ZNF215: variants seen among roughly 807,000 people sequenced by gnomAD.
The protein encoded by ZNF215 is BWSCR2-associated zinc finger protein 2.
ZNF215 carries 24 observed loss-of-function variants against 27.2 expected under a neutral mutation model. The ratio of observed to expected loss-of-function variants is 0.88; its 90% CI spans 0.64 to 1.24. ZNF215 has a LOEUF of 1.24. Among genes scored for constraint, ZNF215 ranks in the 50% most tolerant of loss-of-function variants. The pLI is 0.00. For synonymous variants in ZNF215, 210 were observed against 204.0 expected (o/e 1.03, Z -0.25); for missense variants, 675 against 605.7 (o/e 1.11, Z -1.20).
chr11:6,974,206 G>T (rs1048907089), intron 5 of ZNF215, among the ~76,000 whole-genome samples: 4 of 152,110 alleles, frequency 2.6e-5, no homozygotes, highest in African/African-American at 9.7e-5. Flanking sequence ...GATGGTTGTA[G>T]ATGTGTGGTA....
rs1311873251 is a variant in ZNF215 at position 6,939,597 on chromosome 11, CT to C, written c.401-1971del. Among the ~76,000 whole-genome samples the C allele has an allele frequency of 4.6e-5, 7 of 152,116 alleles. No individual in the cohort carries two copies. The East Asian group carries it at 1.2e-3, about 25-fold the overall frequency. On this transcript the variant is annotated intron_variant, in intron 3 of 6. Coordinates refer to ENST00000278319, the MANE Select transcript of ZNF215 (RefSeq NM_013250.4). The stretch of plus-strand genomic sequence containing the variant: ...GTGCTTAGAGGATAGAAAAAGGTGC[CT>C]TTGATGATGCCAAGATCCATTTAGC...
chr11:6,991,071 A>G (rs141577962), downstream of ZNF215, among the ~76,000 whole-genome samples: 96 of 152,356 alleles, frequency 6.3e-4, no homozygotes, highest in African/African-American at 2.2e-3. Context: ...CTCCTTTTCA[A>G]AGCTTTCCAG....
intron 6 of ZNF215, among the ~76,000 whole-genome samples, chr11:6,954,224 G>T (rs567027567): frequency 6.6e-6 from 1 of 152,212 alleles, no homozygotes; most frequent in East Asian, 1.9e-4. Flanking sequence ...CCCGTTCTCA[G>T]ATCTCCAGCT....
At chr11:6,980,918 G>A (rs1445346013) in intron 5 of ZNF215, among the ~76,000 whole-genome samples, 1 of 150,660 alleles carries the variant, frequency 6.6e-6, no homozygotes, top group East Asian at 1.9e-4. Flanking sequence ...TTTCATCCAT[G>A]TCCCTACAAA....
intron 3 of ZNF215, among the ~76,000 whole-genome samples, chr11:6,940,362 TG>T (rs1849593008): frequency 6.6e-6 from 1 of 152,104 alleles, no homozygotes; most frequent in Non-Finnish European, 1.5e-5. Context: ...TGGAGTGTGG[TG>T]GTGCGAACAC....
At chr11:6,979,766 C>CA (rs1850909683) in intron 5 of ZNF215, among the ~76,000 whole-genome samples, 2 of 151,694 alleles carry the variant, frequency 1.3e-5, no homozygotes, top group Non-Finnish European at 2.9e-5. Context: ...CAGACTAAGT[C>CA]AAAATGACGT....
downstream of ZNF215, among the ~76,000 whole-genome samples, chr11:6,985,910 T>A (rs951531075): frequency 6.6e-6 from 1 of 152,132 alleles, no homozygotes; most frequent in African/African-American, 2.4e-5. Flanking sequence ...GGTCCCATGC[T>A]CATGTATTGG....
intron 3 of ZNF215, among the ~76,000 whole-genome samples, chr11:6,936,819 G>C (rs1354058188): frequency 6.6e-6 from 1 of 151,720 alleles, no homozygotes; most frequent in African/African-American, 2.4e-5. Flanking sequence ...ACAGTGAAAG[G>C]GGAAAAATTA....
chr11:6,971,558 A>T (rs1418591327), intron 5 of ZNF215, among the ~76,000 whole-genome samples: 1 of 152,204 alleles, frequency 6.6e-6, no homozygotes, highest in East Asian at 1.9e-4. Flanking sequence ...TATCATAGAG[A>T]AAACACAAAA....
downstream of ZNF215, among the ~76,000 whole-genome samples, chr11:6,961,587 A>G (rs767374319): frequency 6.6e-6 from 1 of 152,126 alleles, no homozygotes; most frequent in Non-Finnish European, 1.5e-5. Flanking sequence ...CAATTCTGCA[A>G]CACTTTATGT....
rs779599926 is a variant in ZNF215, at chr11:6,956,181, A to G, written c.1204A>G (p.Thr402Ala). The G allele has an allele frequency of 3.1e-6, 5 of 1,613,468 alleles. No homozygotes were observed. Among genetic ancestry groups the G allele is most frequent in the Non-Finnish European group, 1.7e-6 (2 of 1,179,932 alleles). The change falls in exon 7 of 7, where the codon ACA (threonine) becomes GCA (alanine). Residue 402 changes from threonine to alanine, a missense_variant. Thr to Ala is a moderately conservative substitution (Grantham distance 58, BLOSUM62 0). Transcript: ENST00000278319. ...CCTTATTCGACATCAGATCATTCAC[A>G]CAGGAGAGAAACCCTATAAATGCAG... ...SSLIRHQIIHTGEKPYKCSEC... is the reference protein window; with the variant it reads ...SSLIRHQIIHAGEKPYKCSEC...
chr11:6,964,557 T>C (rs1186075088), intron 5 of ZNF215, among the ~76,000 whole-genome samples: 1 of 152,056 alleles, frequency 6.6e-6, no homozygotes, highest in Non-Finnish European at 1.5e-5. Flanking sequence ...AGAGAACAGT[T>C]ATGTCAGTCC....
chr11:6,933,864 A>G (rs1250467207), intron 3 of ZNF215, among the ~76,000 whole-genome samples: 7 of 152,070 alleles, frequency 4.6e-5, no homozygotes, highest in Non-Finnish European at 8.8e-5. Context: ...GGAACATGTT[A>G]AACTATACCG....
chr11:6,947,996 A>AAATC (rs1370587590), intron 6 of ZNF215, among the ~76,000 whole-genome samples: 2 of 152,210 alleles, frequency 1.3e-5, no homozygotes, highest in East Asian at 3.8e-4. Flanking sequence ...ATCCTGAGAG[A>AAATC]AATCAGAAGA....
intron 5 of ZNF215, among the ~76,000 whole-genome samples, chr11:6,967,953 A>C (rs1850655446): frequency 6.6e-6 from 1 of 152,096 alleles, no homozygotes; most frequent in African/African-American, 2.4e-5. Context: ...TCTTGAGTTA[A>C]TTTTTGTATA....
At chr11:6,939,344 G>C (rs1227500665) in intron 3 of ZNF215, among the ~76,000 whole-genome samples, 1 of 152,160 alleles carries the variant, frequency 6.6e-6, no homozygotes, top group Non-Finnish European at 1.5e-5. Context: ...TTTAGTGTTG[G>C]TCATTCACAG....
intron 5 of ZNF215, among the ~76,000 whole-genome samples, chr11:6,967,909 G>A (rs1373739327): frequency 1.3e-5 from 2 of 151,972 alleles, no homozygotes; most frequent in South Asian, 4.1e-4. Context: ...TGTAGGTTGT[G>A]ATGGTTTTAG....
chr11:6,958,105 G>A, downstream of ZNF215: 1 of 970,438 alleles, frequency 1.0e-6, no homozygotes, highest in Non-Finnish European at 1.2e-6. Context: ...CCCTACATAA[G>A]TAATTGATAT....
intron 4 of ZNF215, 65 bp from the exon 5 acceptor site, chr11:6,943,018 C>A (rs1248036748): frequency 1.3e-6 from 2 of 1,566,606 alleles, no homozygotes; most frequent in African/African-American, 2.7e-5. Flanking sequence ...CCTTCAAATC[C>A]ATTCCTTCTC....
Sources: allele counts gnomAD v4.1 joint callset (sites outside exome capture counted in the v4.1 genomes callset), GRCh38; gene constraint gnomAD v4.1.1; transcripts MANE v1.5; gene names NCBI Gene and HGNC (gene_info 2026-07-23, HGNC 2026-07-21).